Variants in AGBL1 observed in about 807,000 individuals in gnomAD.
AGBL1 encodes the protein cytosolic carboxypeptidase 4.
In AGBL1, 130 loss-of-function variants were observed where a neutral mutation model predicts 118.9. That is an observed-to-expected ratio of 1.09 (90% CI 0.95 to 1.26). AGBL1 has a LOEUF of 1.26. Ranked by LOEUF, AGBL1 falls within the 50% of genes most tolerant of loss-of-function variation. AGBL1 has a pLI of 0.00. For synonymous variants in AGBL1, 555 were observed against 478.9 expected, an observed-to-expected ratio of 1.16 and a Z score of -2.08; for missense variants, 1,584 against 1,298.1, an observed-to-expected ratio of 1.22 and a Z score of -3.38.
intron 21 of AGBL1, among the ~76,000 whole-genome samples, chr15:86,624,257 G>A (rs1040552120): frequency 1.3e-5 from 2 of 152,218 alleles, no homozygotes; most frequent in Admixed American, 6.5e-5. Flanking sequence ...ACAATCAAGA[G>A]CAAGTGAATT....
At chr15:86,257,052 G>A in intron 8 of AGBL1, 34 bp downstream of exon 8, 1 of 1,590,644 alleles carries the variant, frequency 6.3e-7, no homozygotes, top group Non-Finnish European at 8.6e-7. Context: ...CCTTTAAGAT[G>A]AGTTTTTGCA....
chr15:86,500,534 A>G (rs908418299), intron 18 of AGBL1, among the ~76,000 whole-genome samples: 2 of 151,492 alleles, frequency 1.3e-5, no homozygotes, highest in African/African-American at 4.8e-5. Flanking sequence ...TACCATTGCT[A>G]TTCAGTTATT....
chr15:86,999,252 G>C (rs779543594), intron 24 of AGBL1, among the ~76,000 whole-genome samples: 2 of 150,878 alleles, frequency 1.3e-5, no homozygotes, highest in South Asian at 4.2e-4. Flanking sequence ...TTAAGTTTTA[G>C]GGTACATGTG....
chr15:86,642,731 T>C (rs185489700), intron 21 of AGBL1, among the ~76,000 whole-genome samples: 1 of 152,262 alleles, frequency 6.6e-6, no homozygotes, highest in East Asian at 1.9e-4. Context: ...TTGCTTGGTT[T>C]TTATTTAAGA....
In AGBL1 at chr15:86,449,082, G is replaced by T. The variant is rs140004240; in HGVS notation, c.2555+51536G>T. Among the ~76,000 whole-genome samples, 773 of 152,236 alleles carry T rather than the reference G, an allele frequency of 5.1e-3. 9 individuals are homozygous for T. Among genetic ancestry groups the T allele is most frequent in the African/African-American group, 0.018 (741 of 41,538 alleles). ...CAAAGCCCCATAAAGAGTATATACCGAGAAAATATGAGGATCAATGCCAAA... is the reference window on the plus strand; with the variant it reads ...CAAAGCCCCATAAAGAGTATATACCTAGAAAATATGAGGATCAATGCCAAA... On this transcript the variant is annotated intron_variant, in intron 18 of 22. Transcript: ENST00000614907.
At position 86,264,724 on chromosome 15, in the gene AGBL1, C is replaced by T. The variant is rs747955198; in HGVS notation, c.1553C>T (p.Ala518Val). The change falls in exon 11 of 23, where the codon GCC (alanine) becomes GTC (valine). Residue 518 changes from alanine to valine, a missense_variant. Coordinates refer to ENST00000614907, the MANE Select transcript of AGBL1 (RefSeq NM_001386094.1). ...GATCCCTATCTTTATATGGCCAAAG[C>T]CAGAAGAACCAGCTCTGTGGTGGAC... ...FHDPYLYMAK[A>V]RRTSSVVDFK... The T allele has an allele frequency of 6.2e-6, 10 of 1,613,878 alleles. No homozygotes were observed. The highest frequency in any genetic ancestry group is 8.5e-6 in the Non-Finnish European group (10 of 1,179,890).
intron 22 of AGBL1, among the ~76,000 whole-genome samples, chr15:86,866,288 C>T (rs1358553524): frequency 6.6e-6 from 1 of 152,148 alleles, no homozygotes; most frequent in Non-Finnish European, 1.5e-5. Flanking sequence ...TATACCATTT[C>T]CTCAGGTACT....
chr15:86,281,189 C>T (rs12905944), intron 16 of AGBL1, among the ~76,000 whole-genome samples: 106,216 of 152,028 alleles, frequency 0.7, 38,681 homozygotes, highest in African/African-American at 0.88. Flanking sequence ...TCGAGACCAG[C>T]CTGGGCAGCA....
intron 17 of AGBL1, among the ~76,000 whole-genome samples, chr15:86,361,036 A>G (rs984009502): frequency 4.6e-5 from 7 of 151,984 alleles, no homozygotes; most frequent in African/African-American, 1.7e-4. Flanking sequence ...TTTAAAAACT[A>G]ATTTCTTAAA....
At chr15:86,536,911 A>G (rs892576102) in intron 19 of AGBL1, among the ~76,000 whole-genome samples, 1 of 152,214 alleles carries the variant, frequency 6.6e-6, no homozygotes, top group Non-Finnish European at 1.5e-5. Context: ...CGATGAAGAC[A>G]CGGAAGAGAC....
intron 17 of AGBL1, among the ~76,000 whole-genome samples, chr15:86,332,266 C>T (rs549719180): frequency 1.1e-4 from 16 of 152,234 alleles, no homozygotes; most frequent in Middle Eastern, 3.4e-3. Flanking sequence ...TACTTCTGAA[C>T]CTATGAAAAG....
intron 22 of AGBL1, among the ~76,000 whole-genome samples, chr15:86,768,239 C>T (rs1394456714): frequency 6.6e-6 from 1 of 151,974 alleles, no homozygotes; most frequent in Non-Finnish European, 1.5e-5. Context: ...TAGTTTTACT[C>T]CAAATTTCTG....
intron 22 of AGBL1, among the ~76,000 whole-genome samples, chr15:86,716,101 T>G (rs1423981710): frequency 6.6e-6 from 1 of 151,918 alleles, no homozygotes; most frequent in East Asian, 1.9e-4. Context: ...TTATTTTCGC[T>G]ATTGCATTTT....
At chr15:86,152,832 A>T (rs896399545) in intron 3 of AGBL1, among the ~76,000 whole-genome samples, 1 of 152,206 alleles carries the variant, frequency 6.6e-6, no homozygotes, top group Non-Finnish European at 1.5e-5. Context: ...AAACAACCCC[A>T]TCAAAAAGTG....
At chr15:86,196,879 G>GCGCGCGCGCGCGCACACACACACACA (rs756313941) in intron 5 of AGBL1, among the ~76,000 whole-genome samples, 1 of 116,962 alleles carries the variant, frequency 8.5e-6, no homozygotes, top group African/African-American at 3.6e-5. Context: ...GCGCGCGCGC[G>GCGCGCGCGCGCGCACACACACACACA]CACACACACA....
chr15:86,454,643 TAA>T (rs1229573352), intron 18 of AGBL1, among the ~76,000 whole-genome samples: 1 of 152,082 alleles, frequency 6.6e-6, no homozygotes, highest in Non-Finnish European at 1.5e-5. Flanking sequence ...AAACCAAACA[TAA>T]AAAGAGTACA....
intron 22 of AGBL1, among the ~76,000 whole-genome samples, chr15:86,805,083 T>C (rs539961162): frequency 1.3e-5 from 2 of 152,122 alleles, no homozygotes; most frequent in Non-Finnish European, 2.9e-5. Flanking sequence ...AGTGGTCTTT[T>C]CTGGCCCCAG....
At chr15:86,498,391 A>G (rs1290723150) in intron 18 of AGBL1, among the ~76,000 whole-genome samples, 2 of 151,962 alleles carry the variant, frequency 1.3e-5, no homozygotes, top group Non-Finnish European at 2.9e-5. Flanking sequence ...TGCTTCTTCA[A>G]TAAAATGGAG....
At chr15:86,545,532 C>T (rs1320163254) in intron 19 of AGBL1, among the ~76,000 whole-genome samples, 3 of 152,036 alleles carry the variant, frequency 2.0e-5, no homozygotes, top group Non-Finnish European at 4.4e-5. Flanking sequence ...AGTTATTTTT[C>T]CTTATCCTCT....
Sources: gnomAD v4.1 joint callset for allele counts (sites outside exome capture counted in the v4.1 genomes callset) on GRCh38, gnomAD v4.1.1 for gene constraint, MANE v1.5 for transcripts, NCBI Gene and HGNC (gene_info 2026-07-23, HGNC 2026-07-21) for gene names.